The following SYNE2 variants were observed in gnomAD, a reference collection of about 807,000 sequenced individuals.
The protein encoded by SYNE2 is nesprin-2.
In SYNE2, 431 loss-of-function variants were observed where a neutral mutation model predicts 856.3. The ratio of observed to expected loss-of-function variants is 0.50; its 90% CI spans 0.47 to 0.55. The LOEUF is 0.55. Ranked by LOEUF, SYNE2 falls within the 20% of genes least tolerant of loss-of-function variation. The pLI, the probability that SYNE2 is intolerant of heterozygous loss-of-function variation, is 0.00. For synonymous variants in SYNE2, 2,923 were observed against 2,872.3 expected (o/e 1.02, Z -0.56); for missense variants, 8,129 against 8,023.2 (o/e 1.01, Z -0.50).
At chr14:63,986,723 T>A in intron 19 of SYNE2, 106 bp downstream of exon 19, 1 of 1,268,574 alleles carries the variant, frequency 7.9e-7, no homozygotes, top group Non-Finnish European at 1.1e-6. Flanking sequence ...CAGTTTTAAT[T>A]TTCTTTGTTG....
Position 64,024,893 on chromosome 14 carries a change from A to G in SYNE2, c.5841-19A>G. ...CTTTTTGCTTATTTTGTATTTAAAC[A>G]TGTGTAATGCTCTTTTAGACTCCAG... is the stretch of plus-strand genomic sequence containing the variant. On this transcript the variant is annotated intron_variant, in intron 39 of 115. Coordinates refer to ENST00000555002, the MANE Select transcript of SYNE2 (RefSeq NM_182914.3). The G allele has an allele frequency of 1.2e-6, 2 of 1,613,558 alleles. No individual in the cohort carries two copies. The highest frequency in any genetic ancestry group is 1.7e-6 in the Non-Finnish European group (2 of 1,179,740).
rs189798276 is a variant in SYNE2 at position 64,025,113 on chromosome 14, G to A, written c.5961-17G>A. 1.5e-5 allele frequency: 25 copies of A among 1,614,008 alleles called. No individual in the cohort carries two copies. Among genetic ancestry groups the A allele is most frequent in the Middle Eastern group, 3.3e-4 (2 of 6,058 alleles). On this transcript the variant is annotated splice_polypyrimidine_tract_variant and intron_variant, in intron 40 of 115. Coordinates refer to ENST00000555002, the MANE Select transcript of SYNE2 (RefSeq NM_182914.3). ...TGGTTACTCCTATAAACTTTAAGTGGTATTTGGAATTTACAGGGAACAGTT... is the reference window on the plus strand; with the variant it reads ...TGGTTACTCCTATAAACTTTAAGTGATATTTGGAATTTACAGGGAACAGTT...
intron 2 of SYNE2, among the ~76,000 whole-genome samples, chr14:63,923,103 T>C (rs992774207): frequency 6.6e-6 from 1 of 152,272 alleles, no homozygotes; most frequent in Non-Finnish European, 1.5e-5. Context: ...TAGTCATTTC[T>C]TTATTTCTTC....
In SYNE2 at chr14:64,137,917, T is replaced by C; in HGVS notation, c.14777T>C (p.Leu4926Ser). 3.1e-6 allele frequency: 5 copies of C among 1,614,200 alleles called. No homozygotes were observed. Among genetic ancestry groups the C allele is most frequent in the Non-Finnish European group, 4.2e-6 (5 of 1,180,026 alleles). Residue 4926 changes from leucine (L) to serine (S), a missense_variant, in exon 79 of 116, where the codon TTG (leucine) becomes TCG (serine). Transcript: ENST00000555002. ...GQIAKLEEQW[L>S]SLNKKIDHEL... ...ATCGCAAAACTGGAAGAGCAGTGGTTGTCCCTGAACAAGAAAATTGACCAT... is the reference window on the plus strand; with the variant it reads ...ATCGCAAAACTGGAAGAGCAGTGGTCGTCCCTGAACAAGAAAATTGACCAT...
chr14:64,034,698 T>TA (rs2097072210), intron 45 of SYNE2: 2 of 436,184 alleles, frequency 4.6e-6, no homozygotes, highest in Admixed American at 7.7e-5. Flanking sequence ...TGACAGGTAT[T>TA]TGTGCTTATG....
chr14:64,051,621 G>A lies in SYNE2; in HGVS notation c.7708G>A (p.Glu2570Lys), dbSNP rs376507352. ...IKKFIASIEKEKDSLGNLKIK... is the reference protein window; with the variant it reads ...IKKFIASIEKKKDSLGNLKIK... ...AAAATTCATAGCATCCATAGAAAAA[G>A]AGAAAGATTCTTTAGGCAACTTGAA... The change falls in exon 48 of 116, where the codon GAG becomes AAG. Residue 2570 changes from glutamate (E) to lysine (K), a missense_variant. Physicochemically the swap from Glu to Lys is moderately conservative, Grantham distance 56. Coordinates refer to ENST00000555002, the MANE Select transcript of SYNE2 (RefSeq NM_182914.3). 2.4e-4 allele frequency: 392 copies of A among 1,613,790 alleles called. No individual in the cohort carries two copies. Among genetic ancestry groups the A allele is most frequent in the Non-Finnish European group, 3.0e-4 (358 of 1,179,940 alleles).
intron 113 of SYNE2, 44 bp downstream of exon 113, chr14:64,223,424 C>G (rs369106596): frequency 3.1e-5 from 49 of 1,604,174 alleles, no homozygotes; most frequent in South Asian, 2.1e-4. Context: ...TGCCGTATTA[C>G]ATGCAGACAG....
intron 27 of SYNE2, among the ~76,000 whole-genome samples, chr14:64,000,339 A>C (rs781128797): frequency 4.6e-5 from 7 of 151,850 alleles, no homozygotes; most frequent in Non-Finnish European, 1.0e-4. Context: ...TGCCTTGTCG[A>C]CTCCCTTGAC....
chr14:64,085,640 A>G (rs1176748361), intron 57 of SYNE2, among the ~76,000 whole-genome samples: 7 of 152,218 alleles, frequency 4.6e-5, no homozygotes, highest in Non-Finnish European at 7.4e-5. Context: ...CACCAGCAAC[A>G]TCAGTTCTAA....
intron 1 of SYNE2, among the ~76,000 whole-genome samples, chr14:63,836,715 T>C (rs1251972720): frequency 4.6e-5 from 7 of 152,216 alleles, no homozygotes; most frequent in Non-Finnish European, 1.0e-4. Context: ...GGCCTCACAG[T>C]GGATCTGCCA....
At chr14:63,871,297 C>T (rs1430583257) in intron 1 of SYNE2, among the ~76,000 whole-genome samples, 1 of 151,824 alleles carries the variant, frequency 6.6e-6, no homozygotes, top group Non-Finnish European at 1.5e-5. Flanking sequence ...CCTCTGCCTC[C>T]TGGGTTCAAG....
chr14:64,076,580 G>C (rs1419457838), intron 54 of SYNE2, among the ~76,000 whole-genome samples: 2 of 152,044 alleles, frequency 1.3e-5, no homozygotes, highest in Non-Finnish European at 2.9e-5. Context: ...AAGTACCTGA[G>C]CAAATCTTTA....
At chr14:63,870,957 G>GT (rs1382162877) in intron 1 of SYNE2, among the ~76,000 whole-genome samples, 8 of 151,828 alleles carry the variant, frequency 5.3e-5, no homozygotes, top group Non-Finnish European at 1.2e-4. Flanking sequence ...TTTTCCAGCT[G>GT]TTTTTTTCTC....
At chr14:64,144,693 G>A (rs1232118338) in intron 83 of SYNE2, among the ~76,000 whole-genome samples, 1 of 152,130 alleles carries the variant, frequency 6.6e-6, no homozygotes, top group Admixed American at 6.5e-5. Context: ...GTACTTTCTT[G>A]GAAAGCATTT....
chr14:63,929,769 C>CAAA (rs34496182), intron 2 of SYNE2, among the ~76,000 whole-genome samples: 4,705 of 126,956 alleles, frequency 0.037, 281 homozygotes, highest in African/African-American at 0.13. Flanking sequence ...GAAACTGTCT[C>CAAA]AAAAAAAAAA....
chr14:64,208,528 A>G (rs1209344052), intron 100 of SYNE2, among the ~76,000 whole-genome samples: 5 of 152,256 alleles, frequency 3.3e-5, no homozygotes, highest in African/African-American at 7.2e-5. Context: ...GGTTCAGCGC[A>G]TAAGTCCTAG....
At chr14:63,803,707 TC>T (rs1215901980) in intron 1 of SYNE2, among the ~76,000 whole-genome samples, 1 of 152,178 alleles carries the variant, frequency 6.6e-6, no homozygotes, top group Non-Finnish European at 1.5e-5. Flanking sequence ...AGAAAGGGGC[TC>T]CCATAGTGCA....
At chr14:64,129,733 T>C in intron 74 of SYNE2, 49 bp from the exon 75 acceptor site, 1 of 1,612,342 alleles carries the variant, frequency 6.2e-7, no homozygotes, top group Non-Finnish European at 8.5e-7. Flanking sequence ...TATGTGTACT[T>C]CTCTGACTTA....
chr14:63,957,983 A>C (rs2096262141), intron 8 of SYNE2, among the ~76,000 whole-genome samples: 1 of 152,120 alleles, frequency 6.6e-6, no homozygotes, highest in Non-Finnish European at 1.5e-5. Flanking sequence ...TGGAGGTTGC[A>C]GTGAGCGGAG....
Sources: allele counts gnomAD v4.1 joint callset (sites outside exome capture counted in the v4.1 genomes callset), GRCh38; gene constraint gnomAD v4.1.1; transcripts MANE v1.5; gene names NCBI Gene and HGNC (gene_info 2026-07-23, HGNC 2026-07-21).